The following CSF2RB variants were observed in gnomAD, a reference collection of about 807,000 sequenced individuals.
CSF2RB encodes the protein cytokine receptor common subunit beta.
Under a neutral mutation model 67.2 loss-of-function variants are expected in CSF2RB, and 22 were observed. The observed-to-expected ratio is 0.33, with a 90% CI of 0.23 to 0.47. The LOEUF (loss-of-function observed/expected upper bound fraction) is 0.47, where lower values mean the gene tolerates loss of function less well. Among genes scored for constraint, CSF2RB ranks in the 20% least tolerant of loss-of-function variants. CSF2RB has a pLI of 1.00. For synonymous variants in CSF2RB, 507 were observed against 482.9 expected, an observed-to-expected ratio of 1.05 and a Z score of -0.65; for missense variants, 1,113 against 1,174.5, an observed-to-expected ratio of 0.95 and a Z score of 0.76.
At chr22:36,932,723 G>A (rs371937367) in intron 8 of CSF2RB, 42 bp from the exon 9 acceptor site, 2 of 1,605,422 alleles carry the variant, frequency 1.2e-6, no homozygotes, top group Admixed American at 1.7e-5. Context: ...TTCCGTTGGA[G>A]GGTGGGTATG....
intron 6 of CSF2RB, 111 bp from the exon 7 acceptor site, chr22:36,930,263 CT>C: frequency 2.0e-6 from 3 of 1,489,934 alleles, no homozygotes; most frequent in Non-Finnish European, 1.9e-6. Context: ...CAGCCCTGGT[CT>C]TTTGGCCCCA....
rs1222483094 is a variant in CSF2RB, at chr22:36,940,133, C to T, written c.*1631C>T. 6.6e-6 allele frequency: 1 copy of T among 152,196 alleles called. No individual in the cohort carries two copies. The highest frequency in any genetic ancestry group is 1.5e-5 in the Non-Finnish European group (1 of 68,034). The allele number at this position is 152,196 out of a possible 1,614,324, so 9.4% of individuals were successfully genotyped here. ...TACCTTGCTTTCTCTATGGCATCCA[C>T]CATTTTGATTGTTCTACTTTTATGA... On this transcript the variant is annotated 3_prime_UTR_variant, in exon 14 of 14. Coordinates refer to ENST00000403662, the MANE Select transcript of CSF2RB (RefSeq NM_000395.3).
At chr22:36,925,287 T>G (rs1778893430) in intron 3 of CSF2RB, among the ~76,000 whole-genome samples, 1 of 152,210 alleles carries the variant, frequency 6.6e-6, no homozygotes, top group Non-Finnish European at 1.5e-5. Flanking sequence ...CTGACCACCC[T>G]GTTGCACGCC....
At chr22:36,923,739 T>C (rs1480702944) in intron 3 of CSF2RB, 12 of 1,303,114 alleles carry the variant, frequency 9.2e-6, no homozygotes, top group South Asian at 1.2e-5. Context: ...GCTGTGCCAC[T>C]GCCTGCCTGT....
intron 3 of CSF2RB, 117 bp from the exon 4 acceptor site, chr22:36,925,870 T>C: frequency 8.6e-7 from 1 of 1,166,732 alleles, no homozygotes; most frequent in Non-Finnish European, 1.3e-6. Flanking sequence ...TTGTGTGTTT[T>C]ATCACTGCTG....
At chr22:36,920,447 G>A (rs548624445) in intron 1 of CSF2RB, among the ~76,000 whole-genome samples, 7 of 152,346 alleles carry the variant, frequency 4.6e-5, no homozygotes, top group African/African-American at 1.7e-4. Context: ...GGAGAAGACT[G>A]CAAGGAACAG....
At chr22:36,932,553 A>G (rs1941169881) in intron 8 of CSF2RB, among the ~76,000 whole-genome samples, 1 of 152,156 alleles carries the variant, frequency 6.6e-6, no homozygotes, top group African/African-American at 2.4e-5. Context: ...GGGCCACATC[A>G]CTACAAAACA....
chr22:36,929,257 G>C, intron 4 of CSF2RB, 145 bp from the exon 5 acceptor site: 2 of 1,023,238 alleles, frequency 2.0e-6, no homozygotes, highest in Non-Finnish European at 3.0e-6. Context: ...GAGGCTCACA[G>C]AGGAGACGGG....
chr22:36,927,747 G>A (rs905789046), intron 4 of CSF2RB, among the ~76,000 whole-genome samples: 12 of 152,204 alleles, frequency 7.9e-5, no homozygotes, highest in African/African-American at 2.9e-4. Flanking sequence ...TGGGGACAGG[G>A]GACTTACAGG....
At chr22:36,934,030 G>C (rs1000593123) in intron 10 of CSF2RB, 36 bp downstream of exon 10, 3 of 1,609,172 alleles carry the variant, frequency 1.9e-6, no homozygotes, top group Admixed American at 3.3e-5. Context: ...TTCTGGCCAG[G>C]ACCAGCTCAT....
At chr22:36,915,752 G>A (rs1434105618) in intron 1 of CSF2RB, among the ~76,000 whole-genome samples, 3 of 152,184 alleles carry the variant, frequency 2.0e-5, no homozygotes, top group Non-Finnish European at 4.4e-5. Context: ...CCCCAAGGTA[G>A]TGCATAAAGG....
At chr22:36,928,435 G>A (rs1457384355) in intron 4 of CSF2RB, among the ~76,000 whole-genome samples, 4 of 152,148 alleles carry the variant, frequency 2.6e-5, no homozygotes, top group Admixed American at 6.5e-5. Flanking sequence ...AGGAGGGGCG[G>A]TTCCCCTGCT....
chr22:36,930,525 T>C lies in CSF2RB; in HGVS notation c.854+15T>C. On this transcript the variant is annotated intron_variant, in intron 7 of 13. Transcript: ENST00000403662. The stretch of plus-strand genomic sequence containing the variant: ...CCAGATGCAGGGTGAGCATCTTTTT[T>C]CTCCATCCCCTCCCCTCCTCTTGGC... 2 of 1,612,904 alleles carry C rather than the reference T, an allele frequency of 1.2e-6. No homozygotes were observed. The highest frequency in any genetic ancestry group is 1.3e-5 in the African/African-American group (1 of 74,974).
chr22:36,923,269 C>G lies in CSF2RB; in HGVS notation c.102C>G (p.Arg34=), dbSNP rs1940923063. ...AEETIPLQTL[R]CYNDYTSHIT... The stretch of plus-strand genomic sequence containing the variant: ...AAACCATCCCGCTGCAGACCCTGCG[C>G]TGCTACAACGACTACACCAGCCACA... The change falls in exon 3 of 14, where the codon CGC becomes CGG. Residue 34 remains arginine (R), a synonymous_variant. Coordinates refer to ENST00000403662, the MANE Select transcript of CSF2RB (RefSeq NM_000395.3). The G allele has an allele frequency of 6.2e-7, 1 of 1,614,098 alleles. No homozygotes were observed. The highest frequency in any genetic ancestry group is 1.3e-5 in the African/African-American group (1 of 74,944).
At chr22:36,934,324 A>G (rs1266897717) in intron 10 of CSF2RB, among the ~76,000 whole-genome samples, 1 of 152,202 alleles carries the variant, frequency 6.6e-6, no homozygotes. Context: ...GTGGGGCTCC[A>G]GACCCCACTC....
Position 36,933,986 on chromosome 22 carries a change from C to T in CSF2RB, c.1307C>T (p.Thr436Ile), listed in dbSNP as rs1288220575. 1.9e-6 allele frequency: 3 copies of T among 1,612,468 alleles called. No homozygotes were observed. Among genetic ancestry groups the T allele is most frequent in the Admixed American group, 3.3e-5 (2 of 60,016 alleles). The change falls in exon 10 of 14, where the codon ACC becomes ATC. Residue 436 changes from threonine to isoleucine, a missense_variant. Thr to Ile is a moderately conservative substitution (Grantham distance 89). Transcript: ENST00000403662. ...TGGAGTGAGGCGCGCTCCTGGGACA[C>T]CGAGTCGGGTAGGTGAAGGCTGGAG... ...SEWSEARSWD[T>I]ESVLPMWVLA...
At chr22:36,936,165 A>G (rs73158163) in intron 12 of CSF2RB, among the ~76,000 whole-genome samples, 2,991 of 152,042 alleles carry the variant, frequency 0.02, 35 homozygotes, top group Middle Eastern at 0.034. Flanking sequence ...CCATGTTGGG[A>G]GGCTGAGATG....
In CSF2RB at chr22:36,930,381, A is replaced by T. The variant is rs766214768; in HGVS notation, c.725A>T (p.Glu242Val). 1 of 1,613,520 alleles carries T rather than the reference A, an allele frequency of 6.2e-7. No individual in the cohort carries two copies. The highest frequency in any genetic ancestry group is 8.5e-7 in the Non-Finnish European group (1 of 1,180,020). ...EVCWDSQPGD[E>V]AQPQNLECFF... Reference sequence around the variant, plus strand: ...GGACCTGTCTCCAACCCAGGGGATGAGGCCCAGCCCCAGAACCTGGAGTGC... The same window carrying T: ...GGACCTGTCTCCAACCCAGGGGATGTGGCCCAGCCCCAGAACCTGGAGTGC... The change falls in exon 7 of 14, where the codon GAG becomes GTG. Residue 242 changes from glutamate (E) to valine (V), a missense_variant. Glu to Val is a moderately radical substitution (Grantham distance 121). Coordinates refer to ENST00000403662, the MANE Select transcript of CSF2RB (RefSeq NM_000395.3).
At chr22:36,914,097 A>G (rs1940657459) in intron 1 of CSF2RB, among the ~76,000 whole-genome samples, 1 of 152,020 alleles carries the variant, frequency 6.6e-6, no homozygotes, top group African/African-American at 2.4e-5. Flanking sequence ...CTGTCTCCTC[A>G]TCTGTGGAAT....
Sources: allele counts gnomAD v4.1 joint callset (sites outside exome capture counted in the v4.1 genomes callset), GRCh38; gene constraint gnomAD v4.1.1; transcripts MANE v1.5; gene names NCBI Gene and HGNC (gene_info 2026-07-23, HGNC 2026-07-21).